The following GRID2 variants were observed in gnomAD, a reference collection of about 807,000 sequenced individuals.
The protein encoded by GRID2 is glutamate receptor ionotropic, delta-2.
GRID2 carries 33 observed loss-of-function variants against 114.8 expected under a neutral mutation model. The observed-to-expected ratio is 0.29, with a 90% CI of 0.22 to 0.38. GRID2 has a LOEUF of 0.38. GRID2 is among the 10% of genes least tolerant of loss of function. GRID2 has a pLI of 1.00. For missense variants in GRID2, 1,184 were observed against 1,257.7 expected (o/e 0.94, Z 0.89); for synonymous variants, 505 against 449.9 (o/e 1.12, Z -1.55).
chr4:93,285,047 A>G (rs958298894), intron 8 of GRID2, among the ~76,000 whole-genome samples: 3 of 152,096 alleles, frequency 2.0e-5, no homozygotes, highest in South Asian at 2.1e-4. Context: ...TGGTCTCTCA[A>G]TATCTCATCT....
intron 14 of GRID2, among the ~76,000 whole-genome samples, chr4:93,645,625 T>A (rs931528014): frequency 2.6e-5 from 4 of 152,176 alleles, no homozygotes; most frequent in African/African-American, 9.7e-5. Flanking sequence ...GTTGCCTGTC[T>A]CCTGGATACC....
intron 13 of GRID2, among the ~76,000 whole-genome samples, chr4:93,591,842 G>A (rs1442428899): frequency 1.4e-4 from 21 of 152,200 alleles, no homozygotes; most frequent in African/African-American, 4.6e-4. Flanking sequence ...GTTTATTTGC[G>A]TAGAGGTGTT....
At chr4:93,565,218 T>C (rs2149570770) in intron 13 of GRID2, among the ~76,000 whole-genome samples, 1 of 152,208 alleles carries the variant, frequency 6.6e-6, no homozygotes, top group East Asian at 1.9e-4. Flanking sequence ...CTACCACAGG[T>C]AATAAAATAT....
chr4:92,615,385 G>C (rs1729959865), intron 2 of GRID2, among the ~76,000 whole-genome samples: 1 of 151,442 alleles, frequency 6.6e-6, no homozygotes. Context: ...TTGAAGCTTA[G>C]GGCTTCAACA....
intron 2 of GRID2, among the ~76,000 whole-genome samples, chr4:92,948,553 C>T (rs1578570476): frequency 6.6e-6 from 1 of 151,820 alleles, no homozygotes; most frequent in African/African-American, 2.4e-5. Flanking sequence ...CTTATTTAAA[C>T]TCATTTGTCA....
intron 3 of GRID2, among the ~76,000 whole-genome samples, chr4:93,085,947 A>G (rs992018139): frequency 6.6e-6 from 1 of 152,170 alleles, no homozygotes; most frequent in African/African-American, 2.4e-5. Flanking sequence ...CAGTATATTT[A>G]CTGGTACTTC....
intron 13 of GRID2, among the ~76,000 whole-genome samples, chr4:93,605,615 G>C (rs998129329): frequency 1.3e-5 from 2 of 152,166 alleles, no homozygotes; most frequent in Non-Finnish European, 2.9e-5. Flanking sequence ...TGGTGGTCTT[G>C]TGACCACGAG....
chr4:93,750,446 G>A (rs1248632232), intron 14 of GRID2, among the ~76,000 whole-genome samples: 2 of 152,118 alleles, frequency 1.3e-5, no homozygotes, highest in African/African-American at 4.8e-5. Flanking sequence ...GAATAGTCAC[G>A]TACAATTGGA....
intron 13 of GRID2, among the ~76,000 whole-genome samples, chr4:93,612,757 T>G (rs1425362548): frequency 5.3e-5 from 5 of 93,858 alleles, no homozygotes; most frequent in African/African-American, 1.7e-4. Context: ...TTTTCCTTCA[T>G]TTCAACTTTG....
intron 8 of GRID2, among the ~76,000 whole-genome samples, chr4:93,382,802 AT>A (rs968450395): frequency 1.4e-4 from 21 of 149,978 alleles, no homozygotes; most frequent in Middle Eastern, 3.4e-3. Context: ...ATGCCTTATA[AT>A]TTTTTTTTGT....
intron 14 of GRID2, among the ~76,000 whole-genome samples, chr4:93,663,679 A>G (rs1330558376): frequency 6.6e-6 from 1 of 152,184 alleles, no homozygotes; most frequent in Non-Finnish European, 1.5e-5. Context: ...GGCCAGATAT[A>G]CATATCATCA....
chr4:92,914,417 A>T (rs889463550), intron 2 of GRID2, among the ~76,000 whole-genome samples: 5 of 152,024 alleles, frequency 3.3e-5, no homozygotes, highest in African/African-American at 7.2e-5. Context: ...TGGAAATATA[A>T]TTTTTTTACT....
chr4:93,509,743 G>A (rs1728984380), intron 12 of GRID2, among the ~76,000 whole-genome samples: 1 of 152,164 alleles, frequency 6.6e-6, no homozygotes, highest in South Asian at 2.1e-4. Context: ...CCTTACCCAA[G>A]CACCCCAGTC....
At chr4:92,490,808 C>A (rs562712559) in intron 1 of GRID2, among the ~76,000 whole-genome samples, 50 of 152,142 alleles carry the variant, frequency 3.3e-4, no homozygotes, top group African/African-American at 1.2e-3. Flanking sequence ...TCCTCAAATT[C>A]AATGTTAACC....
At chr4:93,293,620 T>C (rs768904936) in intron 8 of GRID2, among the ~76,000 whole-genome samples, 3 of 151,802 alleles carry the variant, frequency 2.0e-5, no homozygotes, top group Non-Finnish European at 4.4e-5. Flanking sequence ...AAAAAATGCC[T>C]ACAAAGTAGT....
chr4:92,510,400 AC>A (rs1724185318), intron 1 of GRID2, among the ~76,000 whole-genome samples: 2 of 152,042 alleles, frequency 1.3e-5, no homozygotes, highest in South Asian at 4.1e-4. Context: ...GGAGTTTTCC[AC>A]ATAACCCTGA....
At chr4:92,729,691 A>G (rs757463442) in intron 2 of GRID2, among the ~76,000 whole-genome samples, 1 of 152,054 alleles carries the variant, frequency 6.6e-6, no homozygotes, top group Non-Finnish European at 1.5e-5. Flanking sequence ...TTCATACATC[A>G]TGGGGAAAAA....
intron 14 of GRID2, among the ~76,000 whole-genome samples, chr4:93,666,751 A>G (rs1180813094): frequency 1.3e-5 from 2 of 152,078 alleles, no homozygotes; most frequent in Admixed American, 1.3e-4. Context: ...AAAATGAAAA[A>G]ATAAGACTAA....
chr4:92,406,966 A>T (rs570286044), intron 1 of GRID2, among the ~76,000 whole-genome samples: 2 of 152,096 alleles, frequency 1.3e-5, no homozygotes, highest in South Asian at 4.2e-4. Flanking sequence ...TTTATATATA[A>T]AAAAGGAGGT....
Sources: allele counts gnomAD v4.1 joint callset (sites outside exome capture counted in the v4.1 genomes callset), GRCh38; gene constraint gnomAD v4.1.1; transcripts MANE v1.5; gene names NCBI Gene and HGNC (gene_info 2026-07-23, HGNC 2026-07-21).